Variants in RGS6 observed in about 807,000 individuals in gnomAD.
RGS6 encodes the protein regulator of G-protein signaling 6.
Under a neutral mutation model 78.5 loss-of-function variants are expected in RGS6, and 30 were observed. That is an observed-to-expected ratio of 0.38 (90% CI 0.29 to 0.52). The LOEUF (loss-of-function observed/expected upper bound fraction) is 0.52. Ranked by LOEUF, RGS6 falls within the 20% of genes least tolerant of loss-of-function variation. The probability of loss-of-function intolerance (pLI) is 0.85; values close to 1 mark genes in which losing one functional copy is unlikely to be tolerated. For synonymous variants in RGS6, 206 were observed against 206.0 expected (o/e 1.00, Z 0.00); for missense variants, 495 against 609.7 (o/e 0.81, Z 1.98).
intron 2 of RGS6, among the ~76,000 whole-genome samples, chr14:71,968,849 A>C (rs958772574): frequency 6.6e-6 from 1 of 152,176 alleles, no homozygotes; most frequent in Non-Finnish European, 1.5e-5. Flanking sequence ...AAAATACTTT[A>C]AGTTCTAGGG....
intron 2 of RGS6, among the ~76,000 whole-genome samples, chr14:72,191,035 A>T (rs2097317346): frequency 6.6e-6 from 1 of 152,044 alleles, no homozygotes; most frequent in Non-Finnish European, 1.5e-5. Context: ...GGTCTTCATT[A>T]CTCCTGTATT....
chr14:72,244,931 T>C lies in RGS6; in HGVS notation c.85-107164T>C, dbSNP rs184357999. On this transcript the variant is annotated intron_variant, in intron 2 of 17. Transcript: ENST00000553525. ...CCTGCACCTCCTGGGTTCGAGTGAT[T>C]CTCCTGCCTCAGCCTTCTGAGTAGC... 4.0e-3 allele frequency among the ~76,000 whole-genome samples: 608 copies of C among 152,210 alleles called. 4 individuals carry two copies. The highest frequency in any genetic ancestry group is 0.01 in the Admixed American group (153 of 15,296).
chr14:72,196,792 C>T (rs2040269217), intron 2 of RGS6, among the ~76,000 whole-genome samples: 1 of 152,224 alleles, frequency 6.6e-6, no homozygotes, highest in Non-Finnish European at 1.5e-5. Context: ...ATCTGGGCTT[C>T]TGTTCTCCTG....
At chr14:72,037,002 C>T (rs764728781) in intron 2 of RGS6, among the ~76,000 whole-genome samples, 1 of 152,200 alleles carries the variant, frequency 6.6e-6, no homozygotes, top group African/African-American at 2.4e-5. Context: ...GGAGAACTTT[C>T]CTGTGTCTAG....
At chr14:72,367,720 C>T (rs1290764609) in intron 3 of RGS6, among the ~76,000 whole-genome samples, 1 of 152,102 alleles carries the variant, frequency 6.6e-6, no homozygotes, top group African/African-American at 2.4e-5. Flanking sequence ...TTTACCTAAA[C>T]ATTTAAAAGT....
intron 4 of RGS6, 28 bp from the exon 5 acceptor site, chr14:72,458,243 C>T (rs1333901078): frequency 2.6e-6 from 4 of 1,550,868 alleles, no homozygotes; most frequent in Non-Finnish European, 3.5e-6. Flanking sequence ...TTTCTAATTC[C>T]TTCTCTCTCT....
chr14:72,509,407 G>C (rs937680482), intron 13 of RGS6, among the ~76,000 whole-genome samples: 5 of 150,756 alleles, frequency 3.3e-5, no homozygotes, highest in African/African-American at 1.2e-4. Flanking sequence ...CTGGAGCCTT[G>C]CTGTCTAGAT....
At chr14:71,875,139 T>C in the RGS6 span, among the ~76,000 whole-genome samples, 2 of 152,164 alleles carry the variant, frequency 1.3e-5, no homozygotes, top group Non-Finnish European at 2.9e-5. Flanking sequence ...GCTTTGGTAT[T>C]AGGATGATGC....
intron 2 of RGS6, among the ~76,000 whole-genome samples, chr14:72,311,666 T>C (rs2068650514): frequency 6.6e-6 from 1 of 152,228 alleles, no homozygotes. Context: ...TTGTTTCTAA[T>C]GATGATGATG....
At chr14:71,930,514 A>G (rs1242156095), upstream of RGS6, among the ~76,000 whole-genome samples, 1 of 152,250 alleles carries the variant, frequency 6.6e-6, no homozygotes, top group Non-Finnish European at 1.5e-5. Context: ...CACAAAATGT[A>G]TCAATATGAA....
chr14:72,334,281 T>C lies in RGS6; in HGVS notation c.85-17814T>C, dbSNP rs1210372542. On this transcript the variant is annotated intron_variant, in intron 2 of 17. Transcript: ENST00000553525. ...AAACCCCAATTATCTGGAGGGCAAC[T>C]GGCCCTGGGAGCTGGGCCAAGCACA... Among the ~76,000 whole-genome samples the C allele has an allele frequency of 3.3e-5, 5 of 152,300 alleles. No individual in the cohort carries two copies. The East Asian group carries it at 7.7e-4, about 24-fold the overall frequency.
the RGS6 span, among the ~76,000 whole-genome samples, chr14:71,892,131 G>A: frequency 6.6e-6 from 1 of 151,950 alleles, no homozygotes; most frequent in Non-Finnish European, 1.5e-5. Flanking sequence ...GCACCTAATT[G>A]CCCTTCTCTT....
At chr14:71,979,540 G>T (rs1341998142) in intron 2 of RGS6, among the ~76,000 whole-genome samples, 2 of 152,106 alleles carry the variant, frequency 1.3e-5, no homozygotes, top group African/African-American at 2.4e-5. Flanking sequence ...TCATTCAGGA[G>T]CAGGTTGTTC....
At chr14:72,594,131 G>T in the RGS6 span, among the ~76,000 whole-genome samples, 1 of 152,084 alleles carries the variant, frequency 6.6e-6, no homozygotes, top group Non-Finnish European at 1.5e-5. Context: ...TCTTTTATGA[G>T]GTAAGTATTT....
At chr14:72,477,153 T>C (rs2096260136) in intron 11 of RGS6, 1 of 319,154 alleles carries the variant, frequency 3.1e-6, no homozygotes, top group African/African-American at 2.2e-5. Context: ...AGGGGGCTCA[T>C]GTCACACAGT....
At chr14:72,031,311 A>G (rs2090852520) in intron 2 of RGS6, among the ~76,000 whole-genome samples, 1 of 152,194 alleles carries the variant, frequency 6.6e-6, no homozygotes. Context: ...GTCCATGGAA[A>G]GATAATTATT....
At chr14:72,021,815 G>A (rs2088656627) in intron 2 of RGS6, among the ~76,000 whole-genome samples, 1 of 151,702 alleles carries the variant, frequency 6.6e-6, no homozygotes, top group Non-Finnish European at 1.5e-5. Flanking sequence ...TACATGTGAA[G>A]GTTTGCTATG....
At chr14:72,389,006 T>C (rs1324740499) in intron 3 of RGS6, among the ~76,000 whole-genome samples, 2 of 152,184 alleles carry the variant, frequency 1.3e-5, no homozygotes, top group Non-Finnish European at 2.9e-5. Context: ...ATTGGTGTTT[T>C]ATTTTGGGGA....
intron 3 of RGS6, among the ~76,000 whole-genome samples, chr14:72,414,033 G>T (rs1438719308): frequency 6.6e-6 from 1 of 152,132 alleles, no homozygotes; most frequent in Non-Finnish European, 1.5e-5. Context: ...TGGTGAATCT[G>T]ACAATTATGT....
Sources: allele counts gnomAD v4.1 joint callset (sites outside exome capture counted in the v4.1 genomes callset), GRCh38; gene constraint gnomAD v4.1.1; transcripts MANE v1.5; gene names NCBI Gene and HGNC (gene_info 2026-07-23, HGNC 2026-07-21).